Variants in PTPN3 observed in about 807,000 individuals in gnomAD.
The protein encoded by PTPN3 is tyrosine-protein phosphatase non-receptor type 3.
PTPN3 carries 96 observed loss-of-function variants against 132.7 expected under a neutral mutation model. The observed-to-expected ratio is 0.72, with a 90% CI of 0.61 to 0.86. PTPN3 has a LOEUF of 0.86. PTPN3 is among the 40% of genes least tolerant of loss of function. PTPN3 has a pLI of 0.00. For synonymous variants in PTPN3, 398 were observed against 429.0 expected (o/e 0.93, Z 0.89); for missense variants, 1,125 against 1,159.6 (o/e 0.97, Z 0.43).
At chr9:109,510,576 A>AATATAT in the PTPN3 span, among the ~76,000 whole-genome samples, 71 of 47,296 alleles carry the variant, frequency 1.5e-3, no homozygotes, top group African/African-American at 1.9e-3. Context: ...AAAAAAAAAA[A>AATATAT]ATATATATAT....
At chr9:109,380,609 C>G (rs117193616) in intron 25 of PTPN3, among the ~76,000 whole-genome samples, 1 of 152,132 alleles carries the variant, frequency 6.6e-6, no homozygotes, top group South Asian at 2.1e-4. Context: ...TAACCAGCCA[C>G]GAGGTCTTCC....
At chr9:109,480,205 G>A (rs1248538340) in intron 1 of PTPN3, among the ~76,000 whole-genome samples, 1 of 152,052 alleles carries the variant, frequency 6.6e-6, no homozygotes, top group Non-Finnish European at 1.5e-5. Flanking sequence ...TCAGGGTCTC[G>A]CTCTGTCACC....
intron 22 of PTPN3, among the ~76,000 whole-genome samples, chr9:109,385,497 C>G (rs1588290311): frequency 6.6e-6 from 1 of 152,106 alleles, no homozygotes; most frequent in South Asian, 2.1e-4. Flanking sequence ...CTATGATTGT[C>G]TCTGTTTTGC....
intron 2 of PTPN3, among the ~76,000 whole-genome samples, chr9:109,460,779 A>T (rs12000215): frequency 2.0e-5 from 3 of 152,086 alleles, no homozygotes; most frequent in South Asian, 2.1e-4. Flanking sequence ...GACTCAGCAC[A>T]TATTTTTTTA....
chr9:109,535,563 A>G, the PTPN3 span, among the ~76,000 whole-genome samples: 88 of 151,984 alleles, frequency 5.8e-4, no homozygotes, highest in African/African-American at 2.1e-3. Flanking sequence ...GCTGGAGTGT[A>G]ATCACGTGAT....
At chr9:109,436,789 G>GA in intron 9 of PTPN3, 94 bp downstream of exon 9, 1 of 1,484,398 alleles carries the variant, frequency 6.7e-7, no homozygotes, top group Non-Finnish European at 9.0e-7. Flanking sequence ...CTGTTATAAT[G>GA]AAAAAGAAAT....
At chr9:109,404,139 T>C (rs1841366895) in intron 19 of PTPN3, among the ~76,000 whole-genome samples, 3 of 152,134 alleles carry the variant, frequency 2.0e-5, no homozygotes, top group African/African-American at 7.2e-5. Flanking sequence ...TGTTTCTCCA[T>C]GACTACCAAA....
chr9:109,457,447 T>A (rs771585246), intron 2 of PTPN3, 48 bp from the exon 3 acceptor site: 5 of 1,483,312 alleles, frequency 3.4e-6, no homozygotes, highest in Middle Eastern at 1.8e-4. Context: ...AATTAATTGG[T>A]GGTAAAAACA....
chr9:109,428,596 A>G (rs1359721130), intron 11 of PTPN3, 25 bp downstream of exon 11: 1 of 1,609,768 alleles, frequency 6.2e-7, no homozygotes, highest in South Asian at 1.1e-5. Context: ...CACGAAACAA[A>G]GCAAGCAAAG....
chr9:109,534,440 G>A, the PTPN3 span: 2 of 1,316,656 alleles, frequency 1.5e-6, no homozygotes, highest in Non-Finnish European at 2.0e-6. Context: ...GCTCTCTGGG[G>A]TCCGCTCTCC....
chr9:109,521,800 G>A, the PTPN3 span, among the ~76,000 whole-genome samples: 1 of 152,220 alleles, frequency 6.6e-6, no homozygotes, highest in Non-Finnish European at 1.5e-5. Flanking sequence ...AAGGGTGCTT[G>A]TGTTCATCCT....
At chr9:109,479,396 T>C (rs1846849900) in intron 1 of PTPN3, among the ~76,000 whole-genome samples, 1 of 152,266 alleles carries the variant, frequency 6.6e-6, no homozygotes, top group Non-Finnish European at 1.5e-5. Context: ...TCCATTTTGT[T>C]TATCAATTCA....
intron 19 of PTPN3, among the ~76,000 whole-genome samples, chr9:109,399,590 G>A (rs1840893504): frequency 6.6e-6 from 1 of 151,282 alleles, no homozygotes; most frequent in African/African-American, 2.4e-5. Context: ...ATGCTTTCTG[G>A]AACACACTTG....
the PTPN3 span, among the ~76,000 whole-genome samples, chr9:109,538,245 T>C: frequency 6.6e-6 from 1 of 152,248 alleles, no homozygotes; most frequent in Non-Finnish European, 1.5e-5. Flanking sequence ...TTCCGGAGGA[T>C]GCCCACAGGA....
intron 6 of PTPN3, among the ~76,000 whole-genome samples, chr9:109,447,810 T>A (rs1376531981): frequency 6.6e-6 from 1 of 152,214 alleles, no homozygotes; most frequent in Non-Finnish European, 1.5e-5. Flanking sequence ...TCTTGCCACA[T>A]CCTTCCTGCT....
At chr9:109,508,411 C>T in the PTPN3 span, among the ~76,000 whole-genome samples, 18 of 152,280 alleles carry the variant, frequency 1.2e-4, no homozygotes, top group East Asian at 3.1e-3. Flanking sequence ...CTGCCTGCCT[C>T]GGCCTCCCAA....
In PTPN3 at chr9:109,494,079, A is replaced by G. The variant is rs529379495; in HGVS notation, c.-18+4140T>C. On this transcript the variant is annotated intron_variant, in intron 1 of 25. Coordinates refer to ENST00000374541, the MANE Select transcript of PTPN3 (RefSeq NM_002829.4). ...CTCCCATCCAGGTGAAAACAAGGAG[A>G]ATAGGCACTTAGCCCTGGGCTAGGT... Among the ~76,000 whole-genome samples, 4 of 152,352 alleles carry G rather than the reference A, an allele frequency of 2.6e-5. No homozygotes were observed. The East Asian group carries it at 7.7e-4, about 29-fold the overall frequency.
chr9:109,518,674 G>C, the PTPN3 span, among the ~76,000 whole-genome samples: 1 of 152,288 alleles, frequency 6.6e-6, no homozygotes, highest in East Asian at 1.9e-4. Context: ...TAATGGGCTT[G>C]AGGGCCCTGA....
chr9:109,418,093 C>A (rs778467176), intron 14 of PTPN3, among the ~76,000 whole-genome samples: 6 of 152,124 alleles, frequency 3.9e-5, no homozygotes, highest in Admixed American at 1.3e-4. Flanking sequence ...GACTGCAGAC[C>A]ACAGGAGGAA....
Sources: allele counts gnomAD v4.1 joint callset (sites outside exome capture counted in the v4.1 genomes callset), GRCh38; gene constraint gnomAD v4.1.1; transcripts MANE v1.5; gene names NCBI Gene and HGNC (gene_info 2026-07-23, HGNC 2026-07-21).